ARHGAP8: variants seen among roughly 807,000 people sequenced by gnomAD.
The protein encoded by ARHGAP8 is Rho GTPase activating protein 8, also known as rho GTPase-activating protein 8.
In ARHGAP8, 62 loss-of-function variants were observed where a neutral mutation model predicts 46.1. The observed-to-expected ratio is 1.34, with a 90% CI of 1.10 to 1.66. ARHGAP8 has a LOEUF of 1.66. ARHGAP8 is among the 40% of genes most tolerant of loss of function. ARHGAP8 has a pLI of 0.00. For missense variants in ARHGAP8, 923 were observed against 568.4 expected, an observed-to-expected ratio of 1.62 and a Z score of -6.34; for synonymous variants, 375 against 243.1, an observed-to-expected ratio of 1.54 and a Z score of -5.05.
intron 2 of ARHGAP8, among the ~76,000 whole-genome samples, chr22:44,788,997 C>T (rs1007473332): frequency 1.3e-5 from 2 of 152,202 alleles, no homozygotes; most frequent in African/African-American, 4.8e-5. Flanking sequence ...AAGTTGTGTT[C>T]ACATCTCCTA....
At position 44,790,826 on chromosome 22, in the gene ARHGAP8, G is replaced by A. The variant is rs575463479; in HGVS notation, c.79+4220G>A. Among the ~76,000 whole-genome samples the A allele has an allele frequency of 9.3e-5, 14 of 150,398 alleles. 1 individual carries two copies. The highest frequency in any genetic ancestry group is 2.0e-4 in the East Asian group (1 of 4,938). On this transcript the variant is annotated intron_variant, in intron 2 of 11. Coordinates refer to ENST00000356099, the MANE Select transcript of ARHGAP8 (RefSeq NM_181335.3). Reference sequence around the variant, plus strand: ...TGGCTCACTGCAATGTCCGCCTCCCGGGTTCAAGGGATTCTCTTGCCTCAG... The same window carrying A: ...TGGCTCACTGCAATGTCCGCCTCCCAGGTTCAAGGGATTCTCTTGCCTCAG...
At chr22:44,768,069 G>A (rs546596061) in intron 1 of ARHGAP8, among the ~76,000 whole-genome samples, 4 of 121,352 alleles carry the variant, frequency 3.3e-5, no homozygotes, top group African/African-American at 9.5e-5. Context: ...GCACGATCTC[G>A]GCTCACTGCA....
chr22:44,838,812 C>A (rs1931460696), intron 7 of ARHGAP8, among the ~76,000 whole-genome samples: 1 of 152,206 alleles, frequency 6.6e-6, no homozygotes, highest in Non-Finnish European at 1.5e-5. Context: ...GTGACATGGA[C>A]CACCTGTGTG....
intron 5 of ARHGAP8, among the ~76,000 whole-genome samples, chr22:44,819,514 A>G (rs1026184528): frequency 6.6e-6 from 1 of 152,190 alleles, no homozygotes; most frequent in African/African-American, 2.4e-5. Context: ...TCTATTAAAA[A>G]TACAAAAAAT....
intron 3 of ARHGAP8, among the ~76,000 whole-genome samples, chr22:44,805,202 G>C (rs1176234707): frequency 6.6e-6 from 1 of 152,236 alleles, no homozygotes; most frequent in Non-Finnish European, 1.5e-5. Context: ...CCCCGAGGAG[G>C]CTGCTGCTGG....
intron 2 of ARHGAP8, 34 bp downstream of exon 2, chr22:44,786,640 G>A (rs369608298): frequency 2.4e-5 from 38 of 1,596,980 alleles, no homozygotes; most frequent in Non-Finnish European, 6.0e-6. Flanking sequence ...GCAGGACCAT[G>A]GGCAGAGCAG....
At chr22:44,832,504 G>A (rs1220416501) in intron 7 of ARHGAP8, among the ~76,000 whole-genome samples, 3 of 151,896 alleles carry the variant, frequency 2.0e-5, no homozygotes, top group Non-Finnish European at 4.4e-5. Context: ...CAGATTATAG[G>A]CATGAGCCAC....
In ARHGAP8 at chr22:44,859,676, G is replaced by A. The variant is rs41278885; in HGVS notation, c.878-55G>A. ...CCCTGTTCTCCTCCCGGGCCGGGAT[G>A]CAGCGCTGCCCCTGGCCCCTCTGGA... On this transcript the variant is annotated intron_variant, in intron 10 of 11. Coordinates refer to ENST00000356099, the MANE Select transcript of ARHGAP8 (RefSeq NM_181335.3). The A allele has an allele frequency of 1.2e-3, 1,894 of 1,590,276 alleles. 2 individuals are homozygous for A. The highest frequency in any genetic ancestry group is 2.3e-3 in the Middle Eastern group (14 of 5,992).
rs1363058447 is a variant in ARHGAP8, at chr22:44,814,692, C to T, written c.320C>T (p.Ala107Val). ...CTCAGGTACAAGAAGAACTTGAAGG[C>T]CCTCTACGTGGTGCACCCCACCAGC... ...FDRKYKKNLK[A>V]LYVVHPTSFI... The change falls in exon 5 of 12, where the codon GCC (alanine) becomes GTC (valine). Residue 107 changes from alanine (A) to valine (V), a missense_variant. By Grantham distance (64) the Ala-to-Val change is moderately conservative. Coordinates refer to ENST00000356099, the MANE Select transcript of ARHGAP8 (RefSeq NM_181335.3). The T allele has an allele frequency of 6.2e-7, 1 of 1,613,884 alleles. No individual in the cohort carries two copies. Among genetic ancestry groups the T allele is most frequent in the Non-Finnish European group, 8.5e-7 (1 of 1,179,970 alleles).
intron 1 of ARHGAP8, 198 bp from the exon 2 acceptor site, chr22:44,786,230 ATGGGTGCTCGGCTGAGGGAGGGCGCGTAC>A (rs747978722): frequency 2.9e-4 from 177 of 609,010 alleles, no homozygotes; most frequent in Admixed American, 1.2e-3. Context: ...AGAGTGTATA[ATGGGTGCTCGGCTGAGGGAGGGCGCGTAC>A]TGGGTGCTCG....
intron 3 of ARHGAP8, 134 bp downstream of exon 3, chr22:44,802,298 C>CA: frequency 8.6e-7 from 1 of 1,164,256 alleles, no homozygotes; most frequent in Non-Finnish European, 1.2e-6. Context: ...GTGCAGAGCT[C>CA]TTGCACTCAT....
intron 1 of ARHGAP8, among the ~76,000 whole-genome samples, chr22:44,765,057 A>G (rs1602143822): frequency 6.6e-6 from 1 of 152,330 alleles, no homozygotes; most frequent in East Asian, 1.9e-4. Flanking sequence ...AGGCTGGAGG[A>G]AAAAACAAAG....
At chr22:44,812,167 A>T (rs1929380007) in intron 4 of ARHGAP8, among the ~76,000 whole-genome samples, 3 of 151,910 alleles carry the variant, frequency 2.0e-5, no homozygotes, top group Admixed American at 2.0e-4. Context: ...GCAAGTGTTC[A>T]TGACCCCACT....
chr22:44,846,845 A>G (rs1476265608), intron 8 of ARHGAP8, among the ~76,000 whole-genome samples: 1 of 150,700 alleles, frequency 6.6e-6, no homozygotes, highest in Non-Finnish European at 1.5e-5. Context: ...TCCATCAGGG[A>G]GAAGGCCCTG....
At chr22:44,858,331 G>A (rs568632662) in intron 10 of ARHGAP8, among the ~76,000 whole-genome samples, 83 of 151,618 alleles carry the variant, frequency 5.5e-4, no homozygotes, top group Middle Eastern at 3.4e-3. Context: ...ACATGCACCC[G>A]CAGCGGGAAC....
chr22:44,830,049 C>T (rs376485178), intron 7 of ARHGAP8, among the ~76,000 whole-genome samples: 76 of 143,966 alleles, frequency 5.3e-4, no homozygotes, highest in African/African-American at 1.8e-3. Context: ...CCTGAGATGG[C>T]GTCTCACTCT....
chr22:44,861,911 C>T (rs886439568), intron 11 of ARHGAP8, among the ~76,000 whole-genome samples: 10 of 152,138 alleles, frequency 6.6e-5, no homozygotes, highest in African/African-American at 2.4e-4. Flanking sequence ...CCCAGTTCGC[C>T]ACTCACAGAG....
At chr22:44,777,397 A>G (rs1390646651) in intron 1 of ARHGAP8, among the ~76,000 whole-genome samples, 1 of 151,934 alleles carries the variant, frequency 6.6e-6, no homozygotes, top group Non-Finnish European at 1.5e-5. Context: ...AATCATTCCC[A>G]ACAATAAAAT....
chr22:44,796,720 T>C (rs1400085602), intron 2 of ARHGAP8, among the ~76,000 whole-genome samples: 1 of 152,228 alleles, frequency 6.6e-6, no homozygotes, highest in African/African-American at 2.4e-5. Flanking sequence ...CTCCCAGACC[T>C]TACCCTGCGC....
Sources: allele counts gnomAD v4.1 joint callset (sites outside exome capture counted in the v4.1 genomes callset), GRCh38; gene constraint gnomAD v4.1.1; transcripts MANE v1.5; gene names NCBI Gene and HGNC (gene_info 2026-07-23, HGNC 2026-07-21).